HORMAD1: variants seen among roughly 807,000 people sequenced by gnomAD.
HORMAD1 encodes HORMA domain-containing protein 1.
HORMAD1 carries 33 observed loss-of-function variants against 58.2 expected under a neutral mutation model. The observed-to-expected ratio is 0.57, with a 90% CI of 0.43 to 0.76. HORMAD1 has a LOEUF of 0.76. Ranked by LOEUF, HORMAD1 falls within the 30% of genes least tolerant of loss-of-function variation. The probability of loss-of-function intolerance (pLI) is 0.00; values close to 1 mark genes in which losing one functional copy is unlikely to be tolerated. For missense variants in HORMAD1, 363 were observed against 462.0 expected (o/e 0.79, Z 1.96); for synonymous variants, 137 against 144.6 (o/e 0.95, Z 0.38).
Position 150,706,786 on chromosome 1 carries a change from G to A in HORMAD1, c.571C>T (p.Pro191Ser). 6.8e-6 allele frequency: 11 copies of A among 1,611,408 alleles called. No individual in the cohort carries two copies. Among genetic ancestry groups the A allele is most frequent in the Non-Finnish European group, 9.3e-6 (11 of 1,178,162 alleles). Residue 191 changes from proline to serine, a missense_variant, in exon 10 of 15, where the codon CCC becomes TCC. By Grantham distance (74) the Pro-to-Ser change is moderately conservative. Coordinates refer to ENST00000361824, the MANE Select transcript of HORMAD1 (RefSeq NM_032132.5). ...TCACAATCACCATCCTTAAAACCGGGAGGCTGGTAATCTGGGGGTGTAACT... is the reference window on the plus strand; with the variant it reads ...TCACAATCACCATCCTTAAAACCGGAAGGCTGGTAATCTGGGGGTGTAACT... ...DEVTPPDYQP[P>S]GFKDGDCEGV...
chr1:150,706,497 G>A, intron 10 of HORMAD1, 56 bp downstream of exon 10: 4 of 1,403,656 alleles, frequency 2.8e-6, no homozygotes, highest in Non-Finnish European at 3.9e-6. Context: ...AAAATCTTCA[G>A]AATTGAGTCA....
intron 5 of HORMAD1, 71 bp downstream of exon 5, chr1:150,714,014 A>C: frequency 1.0e-6 from 1 of 974,562 alleles, no homozygotes; most frequent in South Asian, 1.4e-5. Context: ...GTTTTACTAC[A>C]TCATAACTCC....
chr1:150,700,680 T>C (rs1210096840), intron 13 of HORMAD1, among the ~76,000 whole-genome samples: 1 of 152,150 alleles, frequency 6.6e-6, no homozygotes, highest in Non-Finnish European at 1.5e-5. Flanking sequence ...TCAATAACTT[T>C]CCCAGTTCTG....
At chr1:150,718,344 ATTTT>A (rs34258924) in intron 2 of HORMAD1, among the ~76,000 whole-genome samples, 1 of 125,856 alleles carries the variant, frequency 7.9e-6, no homozygotes. Context: ...TGCCTGGCTA[ATTTT>A]TTTTTTTTTT....
At chr1:150,704,403 G>T in intron 10 of HORMAD1, 60 bp from the exon 11 acceptor site, 3 of 1,073,822 alleles carry the variant, frequency 2.8e-6, no homozygotes, top group Non-Finnish European at 4.1e-6. Flanking sequence ...AAACAACTGA[G>T]CAGAAAGCAT....
intron 7 of HORMAD1, among the ~76,000 whole-genome samples, chr1:150,709,391 G>A (rs1651791755): frequency 6.6e-6 from 1 of 152,224 alleles, no homozygotes; most frequent in African/African-American, 2.4e-5. Context: ...TGAAATCAAG[G>A]TTTAAGGGAT....
chr1:150,712,702 A>G (rs1651938618), intron 5 of HORMAD1, among the ~76,000 whole-genome samples: 1 of 152,024 alleles, frequency 6.6e-6, no homozygotes, highest in African/African-American at 2.4e-5. Flanking sequence ...GCGCGCCAAC[A>G]CGCCTAGCTC....
chr1:150,701,405 G>A (rs112532178), intron 13 of HORMAD1, among the ~76,000 whole-genome samples: 2,277 of 152,180 alleles, frequency 0.015, 49 homozygotes, highest in African/African-American at 0.052. Flanking sequence ...ATAGGGGTGG[G>A]GGAAGACACT....
At position 150,719,540 on chromosome 1, in the gene HORMAD1, TTG is replaced by T; in HGVS notation, c.-33-4_-33-3del. The T allele has an allele frequency of 6.6e-7, 1 of 1,517,936 alleles. No individual in the cohort carries two copies. Among genetic ancestry groups the T allele is most frequent in the Non-Finnish European group, 9.0e-7 (1 of 1,113,718 alleles). The allele number at this position is 1,517,936 out of a possible 1,614,324, so 94.0% of individuals were successfully genotyped here. ...ATAAAGTATTTTCTTTAATTCAACC[TTG>T]TGACACAAATACAAGCTTTAACTTA... On this transcript the variant is annotated splice_polypyrimidine_tract_variant and splice_region_variant and intron_variant, in intron 1 of 14. Coordinates refer to ENST00000361824, the MANE Select transcript of HORMAD1 (RefSeq NM_032132.5).
intron 10 of HORMAD1, 26 bp downstream of exon 10, chr1:150,706,527 C>T (rs1425213148): frequency 1.9e-6 from 3 of 1,541,464 alleles, no homozygotes; most frequent in Non-Finnish European, 2.7e-6. Context: ...TATTATTGTT[C>T]TTTATAACTC....
At chr1:150,702,147 C>CAT (rs1194747943) in intron 13 of HORMAD1, among the ~76,000 whole-genome samples, 1 of 152,140 alleles carries the variant, frequency 6.6e-6, no homozygotes, top group African/African-American at 2.4e-5. Context: ...AGAAGACATT[C>CAT]ATGTGGCCAA....
intron 5 of HORMAD1, 66 bp downstream of exon 5, chr1:150,714,019 A>C: frequency 1.0e-6 from 1 of 1,004,598 alleles, no homozygotes; most frequent in Non-Finnish European, 1.5e-6. Flanking sequence ...ACTACATCAT[A>C]ACTCCAGTTA....
Position 150,711,584 on chromosome 1 carries a change from A to T in HORMAD1, c.301-13T>A. ...GGTTTGTGTATACCTATTTAAAAAC[A>T]ATTTACAATTGAGTTATCTAAGGCT... On this transcript the variant is annotated splice_polypyrimidine_tract_variant and intron_variant, in intron 6 of 14. Coordinates refer to ENST00000361824, the MANE Select transcript of HORMAD1 (RefSeq NM_032132.5). 1 of 1,589,992 alleles carries T rather than the reference A, an allele frequency of 6.3e-7. No homozygotes were observed. The highest frequency in any genetic ancestry group is 1.1e-5 in the South Asian group (1 of 90,304).
At position 150,711,527 on chromosome 1, in the gene HORMAD1, T is replaced by C. The variant is rs748420484; in HGVS notation, c.327+18A>G. 6 of 1,567,364 alleles carry C rather than the reference T, an allele frequency of 3.8e-6. No individual in the cohort carries two copies. Among genetic ancestry groups the C allele is most frequent in the East Asian group, 4.5e-5 (2 of 44,546 alleles). ...TATTAGAGGCATTATGTTTCTTTAGTAACTCAAGCACACTTACCTGAGGAT... is the reference window on the plus strand; with the variant it reads ...TATTAGAGGCATTATGTTTCTTTAGCAACTCAAGCACACTTACCTGAGGAT... On this transcript the variant is annotated intron_variant, in intron 7 of 14. Coordinates refer to ENST00000361824, the MANE Select transcript of HORMAD1 (RefSeq NM_032132.5).
At chr1:150,700,025 C>G (rs752982480) in intron 14 of HORMAD1, 87 bp downstream of exon 14, 1 of 633,748 alleles carries the variant, frequency 1.6e-6, no homozygotes, top group African/African-American at 1.9e-5. Flanking sequence ...CGAAAGATAT[C>G]AAATTCATCA....
intron 9 of HORMAD1, among the ~76,000 whole-genome samples, chr1:150,707,093 G>A (rs186826590): frequency 6.6e-6 from 1 of 152,078 alleles, no homozygotes; most frequent in East Asian, 1.9e-4. Context: ...TACTTCATAG[G>A]GTCATTGTGG....
chr1:150,700,964 C>G (rs957322754), intron 13 of HORMAD1, among the ~76,000 whole-genome samples: 1 of 152,062 alleles, frequency 6.6e-6, no homozygotes, highest in Non-Finnish European at 1.5e-5. Flanking sequence ...AGGTGTCATA[C>G]AACTATTCTC....
chr1:150,705,364 A>G (rs773974289), intron 10 of HORMAD1, among the ~76,000 whole-genome samples: 5 of 151,838 alleles, frequency 3.3e-5, no homozygotes, highest in Non-Finnish European at 7.4e-5. Context: ...TGTCTCTACT[A>G]AAAATACAAA....
At chr1:150,720,640 C>G (rs1196232354) in intron 1 of HORMAD1, among the ~76,000 whole-genome samples, 164 bp downstream of exon 1, 1 of 152,214 alleles carries the variant, frequency 6.6e-6, no homozygotes, top group East Asian at 1.9e-4. Context: ...CACCCCATCT[C>G]AAGAACCTCT....
Sources: gnomAD v4.1 joint callset for allele counts (sites outside exome capture counted in the v4.1 genomes callset) on GRCh38, gnomAD v4.1.1 for gene constraint, MANE v1.5 for transcripts, NCBI Gene and HGNC (gene_info 2026-07-23, HGNC 2026-07-21) for gene names.